KIF14: variants seen among roughly 807,000 people sequenced by gnomAD.
The protein encoded by KIF14 is kinesin family member 14.
KIF14 carries 98 observed loss-of-function variants against 176.2 expected under a neutral mutation model. The observed-to-expected ratio is 0.56, with a 90% CI of 0.47 to 0.66. The LOEUF is 0.66. Ranked by LOEUF, KIF14 falls within the 30% of genes least tolerant of loss-of-function variation. The pLI is 0.00. For synonymous variants in KIF14, 566 were observed against 632.2 expected (o/e 0.90, Z 1.57); for missense variants, 1,751 against 1,920.4 (o/e 0.91, Z 1.65).
At chr1:200,577,953 G>C (rs1166260814) in intron 21 of KIF14, among the ~76,000 whole-genome samples, 1 of 145,782 alleles carries the variant, frequency 6.9e-6, no homozygotes, top group Non-Finnish European at 1.5e-5. Flanking sequence ...CCTACACTTT[G>C]TTGTTTTTTT....
chr1:200,567,962 A>G (rs948281530), intron 23 of KIF14, among the ~76,000 whole-genome samples: 1 of 152,206 alleles, frequency 6.6e-6, no homozygotes, highest in African/African-American at 2.4e-5. Flanking sequence ...TATATTCTCT[A>G]TTTAAGAAGA....
At chr1:200,589,397 T>G in intron 17 of KIF14, 28 bp from the exon 18 acceptor site, 2 of 1,567,774 alleles carry the variant, frequency 1.3e-6, no homozygotes, top group Non-Finnish European at 1.7e-6. Flanking sequence ...AAAAAATATC[T>G]CAGGCAAAAA....
Position 200,552,577 on chromosome 1 carries a change from CA to C in KIF14, c.*810del, listed in dbSNP as rs527896090. ...AGGGTAAACTACTGTGCCAGCAAGC[CA>C]TATTATTAATATATAATTATACTAT... On this transcript the variant is annotated 3_prime_UTR_variant, in exon 30 of 30. Coordinates refer to ENST00000367350, the MANE Select transcript of KIF14 (RefSeq NM_014875.3). The C allele has an allele frequency of 2.3e-3, 343 of 152,094 alleles. 2 individuals are homozygous for C. The highest frequency in any genetic ancestry group is 7.9e-3 in the African/African-American group (328 of 41,514). The allele number at this position is 152,094 out of a possible 1,614,324, so 9.4% of individuals were successfully genotyped here. A position where few individuals can be genotyped will look rare whatever the true frequency, so the allele number is the denominator to read the frequency against.
chr1:200,612,572 A>G (rs1056543655), intron 4 of KIF14, among the ~76,000 whole-genome samples: 3 of 152,038 alleles, frequency 2.0e-5, no homozygotes, highest in Non-Finnish European at 4.4e-5. Context: ...CAATACCACC[A>G]TATTTCTATT....
At chr1:200,584,210 T>G (rs1414349656) in intron 19 of KIF14, among the ~76,000 whole-genome samples, 3 of 66,908 alleles carry the variant, frequency 4.5e-5, no homozygotes, top group Non-Finnish European at 9.0e-5. Context: ...CATAAGACTC[T>G]GTTTCAAAAA....
chr1:200,555,497 G>T, intron 27 of KIF14, 43 bp from the exon 28 acceptor site: 1 of 1,175,298 alleles, frequency 8.5e-7, no homozygotes, highest in Non-Finnish European at 1.2e-6. Context: ...TTATTATTCA[G>T]AAGTACAAAA....
At chr1:200,598,192 A>G in intron 14 of KIF14, 45 bp downstream of exon 14, 2 of 1,521,738 alleles carry the variant, frequency 1.3e-6, no homozygotes, top group East Asian at 2.3e-5. Context: ...TGTTATCAAG[A>G]TATAGAACAG....
chr1:200,600,602 T>A, intron 11 of KIF14, 99 bp from the exon 12 acceptor site: 1 of 791,784 alleles, frequency 1.3e-6, no homozygotes, highest in Non-Finnish European at 2.0e-6. Context: ...TTTGAAGTTT[T>A]AAATACAGTA....
chr1:200,575,760 A>G, intron 21 of KIF14, 69 bp from the exon 22 acceptor site: 1 of 810,520 alleles, frequency 1.2e-6, no homozygotes, highest in South Asian at 2.3e-5. Flanking sequence ...TAAGAAAAAA[A>G]AGATTAAATC....
At chr1:200,586,790 CATATAT>C (rs10610890) in intron 18 of KIF14, among the ~76,000 whole-genome samples, 6,595 of 128,214 alleles carry the variant, frequency 0.051, 394 homozygotes, top group African/African-American at 0.15. Flanking sequence ...TATATACATA[CATATAT>C]ATATATATAT....
In KIF14 at chr1:200,560,900, A is replaced by G; in HGVS notation, c.4072-20T>C. ...GCATCCCTGTAAGATAAAAATGGAC[A>G]AGTGTATCAGATACATGAGATTATA... On this transcript the variant is annotated intron_variant, in intron 25 of 29. Transcript: ENST00000367350. 6.2e-7 allele frequency: 1 copy of G among 1,605,826 alleles called. No homozygotes were observed. Among genetic ancestry groups the G allele is most frequent in the South Asian group, 1.1e-5 (1 of 90,912 alleles).
At chr1:200,561,001 C>A (rs1001689310) in intron 25 of KIF14, 121 bp from the exon 26 acceptor site, 5 of 801,396 alleles carry the variant, frequency 6.2e-6, no homozygotes, top group East Asian at 2.6e-5. Context: ...GAGGCCGAGG[C>A]GGGTGGATCG....
In KIF14 at chr1:200,586,207, G is replaced by C. The variant is rs1489544668; in HGVS notation, c.3135C>G (p.Ile1045Met). ...ATKQALEDHS[I>M]RHARILEALE... is the part of the protein sequence containing the mutation. ...AAGCTTCCAGAATTCTTGCATGGCG[G>C]ATGCTATGGTCTTCTAAAGCCTAAT... Residue 1045 changes from isoleucine (I) to methionine (M), a missense_variant, in exon 19 of 30, where the codon ATC (isoleucine) becomes ATG (methionine). Physicochemically the swap from Ile to Met is conservative, Grantham distance 10 (BLOSUM62 1). Transcript: ENST00000367350. 1.9e-6 allele frequency: 3 copies of C among 1,595,688 alleles called. No homozygotes were observed. The South Asian group carries it at 3.4e-5, about 18-fold the overall frequency.
rs115757106 is a variant in KIF14, at chr1:200,616,230, G to A, written c.1113-621C>T. ...GGCTCCAGATATACACTCCCTCCCC[G>A]CTCCATCCCTGACTCTGAGACTGCT... On this transcript the variant is annotated intron_variant, in intron 2 of 29. Transcript: ENST00000367350. 2.7e-3 allele frequency among the ~76,000 whole-genome samples: 409 copies of A among 151,616 alleles called. 3 individuals carry two copies. The highest frequency in any genetic ancestry group is 9.4e-3 in the African/African-American group (389 of 41,444).
intron 23 of KIF14, among the ~76,000 whole-genome samples, chr1:200,569,668 C>T (rs1220450598): frequency 6.6e-6 from 1 of 152,178 alleles, no homozygotes; most frequent in African/African-American, 2.4e-5. Flanking sequence ...TATTCTCATA[C>T]ATTTTGGAAC....
chr1:200,558,400 G>A (rs1656950908), intron 27 of KIF14, among the ~76,000 whole-genome samples: 1 of 152,278 alleles, frequency 6.6e-6, no homozygotes, highest in African/African-American at 2.4e-5. Flanking sequence ...ATGAACAATA[G>A]TTTTAAAAAC....
intron 18 of KIF14, among the ~76,000 whole-genome samples, chr1:200,588,741 T>C (rs910201833): frequency 6.6e-6 from 1 of 152,180 alleles, no homozygotes; most frequent in Non-Finnish European, 1.5e-5. Flanking sequence ...CTATCCTCAA[T>C]GACATGATAA....
At chr1:200,567,039 T>C (rs1335762732) in intron 23 of KIF14, among the ~76,000 whole-genome samples, 1 of 149,612 alleles carries the variant, frequency 6.7e-6, no homozygotes, top group African/African-American at 2.5e-5. Context: ...CCAGGCATGG[T>C]GGTGGGCGCC....
chr1:200,569,872 G>T, intron 23 of KIF14, 39 bp downstream of exon 23: 2 of 1,134,536 alleles, frequency 1.8e-6, no homozygotes, highest in Non-Finnish European at 2.6e-6. Context: ...AGGACTCAAT[G>T]CTTTTCTCGC....
Sources: allele counts gnomAD v4.1 joint callset (sites outside exome capture counted in the v4.1 genomes callset), GRCh38; gene constraint gnomAD v4.1.1; transcripts MANE v1.5; gene names NCBI Gene and HGNC (gene_info 2026-07-23, HGNC 2026-07-21).